The following NFAM1 variants were observed in gnomAD, a reference collection of about 807,000 sequenced individuals.
The protein encoded by NFAM1 is NFAT activating protein with ITAM motif 1, also known as NFAT activation molecule 1.
In NFAM1, 17 loss-of-function variants were observed where a neutral mutation model predicts 29.0. The ratio of observed to expected loss-of-function variants is 0.59; its 90% CI spans 0.40 to 0.88. NFAM1 has a LOEUF of 0.88. Ranked by LOEUF, NFAM1 falls within the 40% of genes least tolerant of loss-of-function variation. The pLI is 0.00. For missense variants in NFAM1, 324 were observed against 344.6 expected (o/e 0.94, Z 0.47); for synonymous variants, 175 against 147.2 (o/e 1.19, Z -1.36).
chr22:42,434,772 CA>C (rs1346966063), upstream of NFAM1, among the ~76,000 whole-genome samples: 4 of 152,246 alleles, frequency 2.6e-5, no homozygotes, highest in Non-Finnish European at 4.4e-5. Context: ...GTGGGTGTCC[CA>C]GGGGCAGCTT....
chr22:42,422,332 G>T (rs908223703), intron 1 of NFAM1, among the ~76,000 whole-genome samples: 1 of 152,186 alleles, frequency 6.6e-6, no homozygotes, highest in Non-Finnish European at 1.5e-5. Context: ...AAGGCCGGGC[G>T]CAGGTGCTCA....
At position 42,411,598 on chromosome 22, in the gene NFAM1, A is replaced by G; in HGVS notation, c.260T>C (p.Leu87Pro). 6.2e-7 allele frequency: 1 copy of G among 1,614,138 alleles called. No individual in the cohort carries two copies. Among genetic ancestry groups the G allele is most frequent in the African/African-American group, 1.3e-5 (1 of 75,032 alleles). Residue 87 changes from leucine (L) to proline (P), a missense_variant, in exon 2 of 6, where the codon CTC becomes CCC. Physicochemically the swap from Leu to Pro is moderately conservative, Grantham distance 98. Coordinates refer to ENST00000329021, the MANE Select transcript of NFAM1 (RefSeq NM_145912.8). ...VFTVSYFHED[L>P]QGQRSPKKPT... ...CTTCTTAGGGCTCCTCTGTCCCTGG[A>G]GATCTTCATGAAAGTAGCTGACTGT...
rs550916047 is a variant in NFAM1 at position 42,397,868 on chromosome 22, G to A, written c.653C>T (p.Ser218Phe). 3.0e-5 allele frequency: 49 copies of A among 1,610,988 alleles called. No individual in the cohort carries two copies. In the South Asian group the frequency reaches 4.0e-4, roughly 13 times the overall value. Residue 218 changes from serine to phenylalanine, a missense_variant, in exon 4 of 6, where the codon TCT becomes TTT. Coordinates refer to ENST00000329021, the MANE Select transcript of NFAM1 (RefSeq NM_145912.8). ...ASSPKQHPSE[S>F]VYTALQRRET... ...GGCCCCGGGACTCACTGTGTAGACA[G>A]ATTCTGAAGGATGCTGCTTGGGGCT...
intron 4 of NFAM1, 47 bp from the exon 5 acceptor site, chr22:42,387,125 C>T (rs1043449178): frequency 4.5e-6 from 5 of 1,120,776 alleles, no homozygotes; most frequent in Admixed American, 4.3e-5. Flanking sequence ...TGTAGAGGGG[C>T]AGTCCCTGGC....
At chr22:42,426,916 T>C (rs1304104183) in intron 1 of NFAM1, among the ~76,000 whole-genome samples, 3 of 152,116 alleles carry the variant, frequency 2.0e-5, no homozygotes, top group South Asian at 2.1e-4. Context: ...TGCCACGCCC[T>C]GAGGCCATCA....
At chr22:42,431,008 C>T (rs1295947269) in intron 1 of NFAM1, among the ~76,000 whole-genome samples, 1 of 152,202 alleles carries the variant, frequency 6.6e-6, no homozygotes, top group East Asian at 1.9e-4. Context: ...CTCTGGGCTG[C>T]AGCCTGGGGA....
chr22:42,390,554 C>G (rs1203755030), intron 4 of NFAM1, among the ~76,000 whole-genome samples: 1 of 152,036 alleles, frequency 6.6e-6, no homozygotes, highest in Admixed American at 6.6e-5. Context: ...TGGTGGCTCA[C>G]CCCTGTAATC....
At chr22:42,420,503 C>T (rs1235847850) in intron 1 of NFAM1, among the ~76,000 whole-genome samples, 2 of 150,504 alleles carry the variant, frequency 1.3e-5, no homozygotes, top group South Asian at 2.1e-4. Flanking sequence ...CAGTGGGTCA[C>T]GCCTGTAATC....
intron 3 of NFAM1, among the ~76,000 whole-genome samples, chr22:42,408,048 T>C (rs1929959780): frequency 6.6e-6 from 1 of 151,690 alleles, no homozygotes. Context: ...CACCTGCCAA[T>C]GCACCCAGCT....
intron 1 of NFAM1, among the ~76,000 whole-genome samples, chr22:42,414,497 C>T (rs1429125905): frequency 6.6e-6 from 1 of 151,926 alleles, no homozygotes; most frequent in Admixed American, 6.6e-5. Context: ...CCCAGCTACT[C>T]AGGAGCCAAA....
chr22:42,420,141 G>C (rs1474436078), intron 1 of NFAM1, among the ~76,000 whole-genome samples: 14 of 151,268 alleles, frequency 9.3e-5, no homozygotes, highest in Non-Finnish European at 1.6e-4. Context: ...TTCCCAAGTT[G>C]CTAGGATTAC....
intron 4 of NFAM1, among the ~76,000 whole-genome samples, chr22:42,387,474 C>T (rs1444532960): frequency 6.6e-6 from 1 of 152,048 alleles, no homozygotes; most frequent in Non-Finnish European, 1.5e-5. Flanking sequence ...GGCCACTGCT[C>T]CAATAGGATG....
chr22:42,411,023 T>TC (rs942051410), intron 2 of NFAM1, among the ~76,000 whole-genome samples: 4 of 53,658 alleles, frequency 7.5e-5, no homozygotes, highest in African/African-American at 3.2e-4. Flanking sequence ...TCTTTTCTTT[T>TC]TTTTTTTTTT....
At chr22:42,392,784 T>C (rs1311656440) in intron 4 of NFAM1, among the ~76,000 whole-genome samples, 1 of 152,020 alleles carries the variant, frequency 6.6e-6, no homozygotes. Flanking sequence ...AGTTTTTTCT[T>C]CTATTTTTAA....
chr22:42,403,906 G>T (rs1249317466), intron 3 of NFAM1, among the ~76,000 whole-genome samples: 5 of 152,186 alleles, frequency 3.3e-5, no homozygotes, highest in Non-Finnish European at 5.9e-5. Flanking sequence ...GCTGGATCCA[G>T]AAAGCAAAGA....
rs148031340 is a variant in NFAM1 at position 42,387,039 on chromosome 22, C to T, written c.703G>A (p.Glu235Lys). Residue 235 changes from glutamate (E) to lysine (K), a missense_variant, in exon 5 of 6, where the codon GAG becomes AAG. Coordinates refer to ENST00000329021, the MANE Select transcript of NFAM1 (RefSeq NM_145912.8). ...RRETEVYACI[E>K]NEDGSSPTAK... is the part of the protein sequence containing the mutation. ...GTGGGTGAGCTGCCATCCTCATTCT[C>T]GATGCAGGCATAGACCTCGGTCTCG... is the stretch of plus-strand genomic sequence containing the variant. 4.4e-4 allele frequency: 691 copies of T among 1,586,818 alleles called. No homozygotes were observed. Among genetic ancestry groups the T allele is most frequent in the Non-Finnish European group, 5.8e-4 (678 of 1,167,354 alleles).
At position 42,391,212 on chromosome 22, in the gene NFAM1, G is replaced by C. The variant is rs527539987; in HGVS notation, c.664-4134C>G. On this transcript the variant is annotated intron_variant, in intron 4 of 5. Transcript: ENST00000329021. ...CCCCTTCCTCATCTTCTCTCCCAGA[G>C]GGTTTCTCTAATAAACCCCTTGCTC... Among the ~76,000 whole-genome samples the C allele has an allele frequency of 2.7e-4, 41 of 152,270 alleles. No individual in the cohort carries two copies. In the South Asian group the frequency reaches 8.5e-3, roughly 32 times the overall value.
At chr22:42,391,248 A>G (rs1430566528) in intron 4 of NFAM1, among the ~76,000 whole-genome samples, 1 of 149,524 alleles carries the variant, frequency 6.7e-6, no homozygotes, top group Non-Finnish European at 1.5e-5. Flanking sequence ...ACCTAACCCC[A>G]TCTTGGTGTC....
chr22:42,393,175 T>C (rs1341585227), intron 4 of NFAM1, among the ~76,000 whole-genome samples: 2 of 152,116 alleles, frequency 1.3e-5, no homozygotes, highest in Admixed American at 6.5e-5. Flanking sequence ...TTGACAATAA[T>C]TAAAAGAAGA....
Sources: allele counts gnomAD v4.1 joint callset (sites outside exome capture counted in the v4.1 genomes callset), GRCh38; gene constraint gnomAD v4.1.1; transcripts MANE v1.5; gene names NCBI Gene and HGNC (gene_info 2026-07-23, HGNC 2026-07-21).